The following PLCB4 variants were observed in gnomAD, a reference collection of about 807,000 sequenced individuals.
PLCB4 encodes 1-phosphatidylinositol 4,5-bisphosphate phosphodiesterase beta-4.
Under a neutral mutation model 178.8 loss-of-function variants are expected in PLCB4, and 77 were observed. The observed-to-expected ratio is 0.43, with a 90% CI of 0.36 to 0.52. The LOEUF is 0.52. Ranked by LOEUF, PLCB4 falls within the 20% of genes least tolerant of loss-of-function variation. The pLI is 0.00. For synonymous variants in PLCB4, 496 were observed against 490.8 expected (o/e 1.01, Z -0.14); for missense variants, 1,024 against 1,453.4 (o/e 0.70, Z 4.80).
At chr20:9,347,729 G>A (rs556991574) in intron 7 of PLCB4, among the ~76,000 whole-genome samples, 7 of 152,330 alleles carry the variant, frequency 4.6e-5, no homozygotes, top group African/African-American at 1.7e-4. Flanking sequence ...TGTAATCCCA[G>A]CAGTTTGGGA....
Position 9,435,594 on chromosome 20 carries a change from T to A in PLCB4, c.2559T>A (p.Phe853Leu). The A allele has an allele frequency of 6.2e-7, 1 of 1,609,044 alleles. No homozygotes were observed. Among genetic ancestry groups the A allele is most frequent in the Non-Finnish European group, 8.5e-7 (1 of 1,175,688 alleles). The change falls in exon 29 of 40, where the codon TTT becomes TTA. Residue 853 changes from phenylalanine to leucine, a missense_variant. Physicochemically the swap from Phe to Leu is conservative, Grantham distance 22. This residue lies in a region of PLCB4 where 227 missense variants were observed against 374.3 expected (regional missense o/e 0.61). Coordinates refer to ENST00000378473, the MANE Select transcript of PLCB4 (RefSeq NM_001377142.1). ...ATGCTTTATCAGATCCAAAGAAATT[T>A]CTCTCAATTACAGAAAAGAGAGCAG... is the stretch of plus-strand genomic sequence containing the variant. ...IVDALSDPKK[F>L]LSITEKRADQ...
At chr20:9,428,757 C>G (rs1274324568) in intron 28 of PLCB4, among the ~76,000 whole-genome samples, 1 of 151,246 alleles carries the variant, frequency 6.6e-6, no homozygotes, top group African/African-American at 2.4e-5. Context: ...GGAGTGAGCA[C>G]ATAGGGGTGG....
chr20:9,296,844 A>G (rs1689004369), intron 3 of PLCB4, among the ~76,000 whole-genome samples: 1 of 151,118 alleles, frequency 6.6e-6, no homozygotes, highest in African/African-American at 2.4e-5. Flanking sequence ...AACATCACAC[A>G]CAGGGGCCTG....
At chr20:9,127,233 G>A (rs973382870) in intron 2 of PLCB4, among the ~76,000 whole-genome samples, 6 of 152,144 alleles carry the variant, frequency 3.9e-5, no homozygotes, top group Non-Finnish European at 7.4e-5. Flanking sequence ...CCAGGCAGCA[G>A]GTCCGGGAGC....
At chr20:9,116,151 G>A (rs2091772041) in intron 2 of PLCB4, among the ~76,000 whole-genome samples, 2 of 150,294 alleles carry the variant, frequency 1.3e-5, no homozygotes, top group South Asian at 2.1e-4. Flanking sequence ...GTGTGCGCGT[G>A]TGTGTGTGTG....
rs1055435615 is a variant in PLCB4 at position 9,459,660 on chromosome 20, C to A, written c.3098C>A (p.Thr1033Lys). ...SKVKEIVAQH[T>K]KEWSEMINTH... ...GTCAAAGAGATTGTAGCACAGCACA[C>A]AAAGGAATGGTCAGAAATGATCAAT... The change falls in exon 35 of 40, where the codon ACA (threonine) becomes AAA (lysine). Residue 1033 changes from threonine (T) to lysine (K), a missense_variant. Thr to Lys is a moderately conservative substitution (Grantham distance 78). Coordinates refer to ENST00000378473, the MANE Select transcript of PLCB4 (RefSeq NM_001377142.1). 6.2e-6 allele frequency: 10 copies of A among 1,609,520 alleles called. No homozygotes were observed. Among genetic ancestry groups the A allele is most frequent in the Non-Finnish European group, 8.5e-6 (10 of 1,176,320 alleles).
At chr20:9,369,907 G>C (rs1353415773) in intron 9 of PLCB4, among the ~76,000 whole-genome samples, 1 of 152,176 alleles carries the variant, frequency 6.6e-6, no homozygotes, top group South Asian at 2.1e-4. Flanking sequence ...AGCCCTCATG[G>C]ATAGAAGTAA....
At chr20:9,376,488 A>G (rs947496673) in intron 12 of PLCB4, among the ~76,000 whole-genome samples, 5 of 152,252 alleles carry the variant, frequency 3.3e-5, no homozygotes, top group Middle Eastern at 3.4e-3. Flanking sequence ...AGTCTCATCC[A>G]ATGGACTGAG....
At chr20:9,442,272 G>A (rs568958797) in intron 30 of PLCB4, among the ~76,000 whole-genome samples, 12 of 152,290 alleles carry the variant, frequency 7.9e-5, no homozygotes, top group South Asian at 6.2e-4. Context: ...GCTAGAGGCC[G>A]TCAGTTGGAC....
At chr20:9,301,210 C>T (rs897814303) in intron 3 of PLCB4, among the ~76,000 whole-genome samples, 1 of 151,876 alleles carries the variant, frequency 6.6e-6, no homozygotes, top group African/African-American at 2.4e-5. Flanking sequence ...TGCTAAGTCC[C>T]TTTTTGCCCT....
chr20:9,254,331 C>A (rs539741139), intron 3 of PLCB4, among the ~76,000 whole-genome samples: 12 of 152,216 alleles, frequency 7.9e-5, no homozygotes, highest in Admixed American at 5.9e-4. Context: ...TGTATAAATC[C>A]TATGATAAAA....
chr20:9,173,521 T>C (rs984687541), intron 2 of PLCB4, among the ~76,000 whole-genome samples: 3 of 152,172 alleles, frequency 2.0e-5, no homozygotes, highest in Admixed American at 2.0e-4. Context: ...CACTTCTTGA[T>C]GTTGGTAGTC....
intron 7 of PLCB4, among the ~76,000 whole-genome samples, chr20:9,359,848 G>A (rs945245392): frequency 2.0e-5 from 3 of 152,078 alleles, no homozygotes; most frequent in African/African-American, 4.8e-5. Flanking sequence ...TCTAGTTCAC[G>A]CCTGGCGTAA....
chr20:9,209,854 C>T (rs1292713706), intron 2 of PLCB4, among the ~76,000 whole-genome samples: 1 of 150,508 alleles, frequency 6.6e-6, no homozygotes, highest in Non-Finnish European at 1.5e-5. Context: ...GTCCCAGTTA[C>T]TCGGGAAGCT....
At chr20:9,416,923 C>T (rs1301278050) in intron 25 of PLCB4, among the ~76,000 whole-genome samples, 1 of 152,044 alleles carries the variant, frequency 6.6e-6, no homozygotes, top group Non-Finnish European at 1.5e-5. Context: ...TGAATGGTGA[C>T]TTTTTCAAAA....
At chr20:9,241,413 C>T (rs1569003661) in intron 3 of PLCB4, among the ~76,000 whole-genome samples, 1 of 152,086 alleles carries the variant, frequency 6.6e-6, no homozygotes, top group Non-Finnish European at 1.5e-5. Flanking sequence ...CACACACACA[C>T]ACACACTCAC....
At chr20:9,404,645 A>C (rs1299190072) in intron 20 of PLCB4, among the ~76,000 whole-genome samples, 1 of 152,020 alleles carries the variant, frequency 6.6e-6, no homozygotes, top group Non-Finnish European at 1.5e-5. Flanking sequence ...GCCTTCATCA[A>C]TATTGTCTTA....
intron 19 of PLCB4, among the ~76,000 whole-genome samples, chr20:9,396,163 C>CA (rs2038570413): frequency 6.6e-6 from 1 of 152,160 alleles, no homozygotes; most frequent in South Asian, 2.1e-4. Flanking sequence ...AGCTATTCAG[C>CA]AGAAATTCTT....
chr20:9,473,439 T>A, intron 38 of PLCB4, 74 bp downstream of exon 38: 1 of 751,452 alleles, frequency 1.3e-6, no homozygotes, highest in Non-Finnish European at 2.3e-6. Context: ...TGGCCCACAG[T>A]GACCAGTGGC....
Sources: gnomAD v4.1 joint callset for allele counts (sites outside exome capture counted in the v4.1 genomes callset) on GRCh38, gnomAD v4.1.1 for gene constraint, gnomAD v4.1.1 regional missense constraint, MANE v1.5 for transcripts, NCBI Gene and HGNC (gene_info 2026-07-23, HGNC 2026-07-21) for gene names.